Variants in CPNE4 observed in about 807,000 individuals in gnomAD.
The protein encoded by CPNE4 is copine-4.
Under a neutral mutation model 67.9 loss-of-function variants are expected in CPNE4, and 25 were observed. The observed-to-expected ratio is 0.37, with a 90% CI of 0.27 to 0.51. CPNE4 has a LOEUF of 0.51. Among genes scored for constraint, CPNE4 ranks in the 20% least tolerant of loss-of-function variants. The pLI is 0.93. For synonymous variants in CPNE4, 242 were observed against 244.9 expected, an observed-to-expected ratio of 0.99 and a Z score of 0.11; for missense variants, 464 against 690.8, an observed-to-expected ratio of 0.67 and a Z score of 3.68.
At chr3:131,848,956 C>CA (rs67407668) in intron 2 of CPNE4, among the ~76,000 whole-genome samples, 3,721 of 79,502 alleles carry the variant, frequency 0.047, 810 homozygotes, top group Non-Finnish European at 0.056. Flanking sequence ...GTAGTGATTA[C>CA]AAAAAAAAAA....
At chr3:131,656,249 G>A (rs914362381) in intron 7 of CPNE4, among the ~76,000 whole-genome samples, 1 of 152,014 alleles carries the variant, frequency 6.6e-6, no homozygotes, top group Non-Finnish European at 1.5e-5. Flanking sequence ...TGACAAATGA[G>A]TAGCAATGGG....
intron 2 of CPNE4, among the ~76,000 whole-genome samples, chr3:131,798,069 A>G (rs2083968729): frequency 6.6e-6 from 1 of 152,202 alleles, no homozygotes; most frequent in Non-Finnish European, 1.5e-5. Flanking sequence ...CACCAGCCCT[A>G]TCAGATTAGG....
At chr3:131,613,572 GT>G (rs1294678974) in intron 7 of CPNE4, among the ~76,000 whole-genome samples, 6 of 152,162 alleles carry the variant, frequency 3.9e-5, no homozygotes, top group African/African-American at 1.4e-4. Flanking sequence ...GCAAAACGTT[GT>G]TCATATTTGC....
At chr3:131,635,050 G>C (rs1413615142) in intron 7 of CPNE4, among the ~76,000 whole-genome samples, 1 of 152,130 alleles carries the variant, frequency 6.6e-6, no homozygotes, top group African/African-American at 2.4e-5. Flanking sequence ...CAATCATAAG[G>C]ATGAAAAATA....
chr3:131,905,393 G>T lies in CPNE4; in HGVS notation c.51C>A (p.Ile17=). Residue 17 remains isoleucine (I), a synonymous_variant, in exon 2 of 16, where the codon ATC becomes ATA. Transcript: ENST00000429747. ...CTTTGGTCAGGCAGGGGCTGTTAAA[G>T]ATTCCCAGTGTGTTGGCAGCGGACT... ...IYESAANTLG[I]FNSPCLTKVE... 2 of 1,613,474 alleles carry T rather than the reference G, an allele frequency of 1.2e-6. No individual in the cohort carries two copies. The highest frequency in any genetic ancestry group is 2.2e-5 in the East Asian group (1 of 44,838).
rs547661843 is a variant in CPNE4 at position 132,009,310 on chromosome 3, G to C, written c.-2+25257C>G. Among the ~76,000 whole-genome samples, 387 of 152,318 alleles carry C rather than the reference G, an allele frequency of 2.5e-3. 4 individuals are homozygous for C. The highest frequency in any genetic ancestry group is 8.8e-3 in the African/African-American group (364 of 41,572). The stretch of plus-strand genomic sequence containing the variant: ...ATCCCTGAGGAACCTCTGCTCCTGG[G>C]GGAGGGGAGGTCCTGTTCTGTAAGC... On this transcript the variant is annotated intron_variant, in intron 1 of 15. Transcript: ENST00000429747.
intron 1 of CPNE4, among the ~76,000 whole-genome samples, chr3:131,951,832 C>T (rs1053290707): frequency 2.0e-5 from 3 of 152,142 alleles, no homozygotes; most frequent in Non-Finnish European, 4.4e-5. Context: ...CCCGAGGTGC[C>T]GGGATTGCAG....
At chr3:131,538,395 C>A (rs1417358029) in intron 15 of CPNE4, among the ~76,000 whole-genome samples, 2 of 152,186 alleles carry the variant, frequency 1.3e-5, no homozygotes, top group Non-Finnish European at 2.9e-5. Context: ...CCTTGCATAT[C>A]TGTGCTGGCA....
At chr3:131,663,491 A>G (rs1410496049) in intron 7 of CPNE4, among the ~76,000 whole-genome samples, 3 of 152,206 alleles carry the variant, frequency 2.0e-5, no homozygotes, top group Non-Finnish European at 4.4e-5. Context: ...CGTAAATTAA[A>G]AAAAATAATA....
intron 2 of CPNE4, among the ~76,000 whole-genome samples, chr3:131,808,105 C>T (rs1434317854): frequency 6.6e-6 from 1 of 152,190 alleles, no homozygotes; most frequent in Non-Finnish European, 1.5e-5. Flanking sequence ...ACACTAACAG[C>T]AGAGCAATTT....
chr3:131,765,307 C>A (rs1210957090), intron 2 of CPNE4, among the ~76,000 whole-genome samples: 3 of 152,072 alleles, frequency 2.0e-5, no homozygotes, highest in Non-Finnish European at 4.4e-5. Flanking sequence ...CTGGGAACAA[C>A]CAGAAGTAAT....
intron 2 of CPNE4, among the ~76,000 whole-genome samples, chr3:131,746,471 A>T (rs1329323650): frequency 6.6e-6 from 1 of 151,876 alleles, no homozygotes; most frequent in East Asian, 1.9e-4. Context: ...TCTACTCTCT[A>T]CCTCCATGAG....
In CPNE4 at chr3:131,875,679, C is replaced by T. The variant is rs546595128; in HGVS notation, c.180+29585G>A. On this transcript the variant is annotated intron_variant, in intron 2 of 15. Coordinates refer to ENST00000429747, the MANE Select transcript of CPNE4 (RefSeq NM_130808.3). ...GGGAACATCACACACCCAGGCCTGTCCTGGGGTGGGGGGAGGGGGGAGGGA... is the reference window on the plus strand; with the variant it reads ...GGGAACATCACACACCCAGGCCTGTTCTGGGGTGGGGGGAGGGGGGAGGGA... 4.0e-3 allele frequency among the ~76,000 whole-genome samples: 572 copies of T among 143,672 alleles called. 4 individuals carry two copies. The highest frequency in any genetic ancestry group is 0.014 in the African/African-American group (552 of 38,250). 94.3% of individuals were successfully genotyped at this position (143,672 alleles called of 152,430 possible).
chr3:131,896,075 C>A (rs2088319309), intron 2 of CPNE4, among the ~76,000 whole-genome samples: 1 of 151,722 alleles, frequency 6.6e-6, no homozygotes, highest in Admixed American at 6.6e-5. Context: ...GTGATTGGGG[C>A]CAGATGTCCC....
intron 7 of CPNE4, among the ~76,000 whole-genome samples, chr3:131,634,031 TA>T (rs2079310604): frequency 6.6e-6 from 1 of 152,158 alleles, no homozygotes; most frequent in Non-Finnish European, 1.5e-5. Flanking sequence ...ATTGTGGAGC[TA>T]AAAAAATGCA....
At chr3:131,926,578 A>G (rs1445162959) in intron 1 of CPNE4, among the ~76,000 whole-genome samples, 2 of 152,200 alleles carry the variant, frequency 1.3e-5, no homozygotes, top group Non-Finnish European at 2.9e-5. Flanking sequence ...ATGAAAACTT[A>G]TATCCCTGAG....
intron 7 of CPNE4, among the ~76,000 whole-genome samples, chr3:131,628,167 A>G (rs995255031): frequency 6.6e-6 from 1 of 152,158 alleles, no homozygotes; most frequent in Non-Finnish European, 1.5e-5. Context: ...AGTGATCACC[A>G]CCCTGATCAG....
intron 10 of CPNE4, among the ~76,000 whole-genome samples, chr3:131,566,455 T>C (rs1270305776): frequency 6.7e-6 from 1 of 149,072 alleles, no homozygotes; most frequent in African/African-American, 2.5e-5. Flanking sequence ...AGTAAGACCA[T>C]AGGTGAGGCC....
chr3:131,854,057 A>G (rs2107650511), intron 2 of CPNE4, among the ~76,000 whole-genome samples: 1 of 152,044 alleles, frequency 6.6e-6, no homozygotes, highest in East Asian at 1.9e-4. Context: ...AAACAAAAAT[A>G]TTTGCTCATT....
Sources: allele counts gnomAD v4.1 joint callset (sites outside exome capture counted in the v4.1 genomes callset), GRCh38; gene constraint gnomAD v4.1.1; transcripts MANE v1.5; gene names NCBI Gene and HGNC (gene_info 2026-07-23, HGNC 2026-07-21).